The following TCF4 variants were observed in gnomAD, a reference collection of about 807,000 sequenced individuals.
TCF4 encodes the protein transcription factor 4.
TCF4 carries 3 observed loss-of-function variants against 82.1 expected under a neutral mutation model. That is an observed-to-expected ratio of 0.04 (90% confidence interval 0.02 to 0.09). The LOEUF (loss-of-function observed/expected upper bound fraction) is 0.09. TCF4 is among the 10% of genes least tolerant of loss of function. The pLI is 1.00. For synonymous variants in TCF4, 276 were observed against 309.6 expected (o/e 0.89, Z 1.14); for missense variants, 518 against 852.7 (o/e 0.61, Z 4.89).
At chr18:55,397,552 C>T (rs2093572813) in intron 6 of TCF4, among the ~76,000 whole-genome samples, 1 of 152,062 alleles carries the variant, frequency 6.6e-6, no homozygotes, top group Non-Finnish European at 1.5e-5. Flanking sequence ...AAAAAGAATA[C>T]AAATAGAGGA....
intron 3 of TCF4, among the ~76,000 whole-genome samples, chr18:55,576,964 C>A (rs969689757): frequency 3.3e-5 from 5 of 151,316 alleles, no homozygotes; most frequent in Non-Finnish European, 7.4e-5. Context: ...ATATTGGACA[C>A]CCCTGTGTTA....
intron 8 of TCF4, among the ~76,000 whole-genome samples, chr18:55,335,256 G>C (rs897162207): frequency 2.4e-4 from 36 of 152,130 alleles, no homozygotes; most frequent in Non-Finnish European, 2.2e-4. Context: ...AGGTCTGACT[G>C]TTTGCTTCCT....
Position 55,254,693 on chromosome 18 carries a change from C to A in TCF4, c.1154G>T (p.Arg385Leu). Residue 385 changes from arginine (R) to leucine (L), a missense_variant, in exon 15 of 20, where the codon CGA (arginine) becomes CTA (leucine). This residue lies in a region of TCF4 where 211 missense variants were observed against 327.4 expected (regional missense o/e 0.64). Transcript: ENST00000354452. Reference protein sequence around the residue: ...YEGPLHSLQSRIEDRLERLDD... With the variant: ...YEGPLHSLQSLIEDRLERLDD... ...CAGTCTTTCTAAACGATCTTCAATT[C>A]GGCTTTGCTGTTGGTTAACAAATGA... The A allele has an allele frequency of 6.2e-7, 1 of 1,609,724 alleles. No individual in the cohort carries two copies. Among genetic ancestry groups the A allele is most frequent in the Non-Finnish European group, 8.5e-7 (1 of 1,177,936 alleles).
intron 8 of TCF4, among the ~76,000 whole-genome samples, chr18:55,333,932 A>G (rs1207759216): frequency 3.9e-5 from 6 of 152,202 alleles, no homozygotes; most frequent in Admixed American, 6.5e-5. Flanking sequence ...AGGCTACATG[A>G]TAATTATATA....
intron 2 of TCF4, among the ~76,000 whole-genome samples, chr18:55,599,487 G>A (rs1009908984): frequency 5.3e-5 from 8 of 152,184 alleles, no homozygotes; most frequent in African/African-American, 1.7e-4. Context: ...TTGGGAGGCC[G>A]AGGCGGGCAG....
At chr18:55,324,105 G>A (rs2076164091) in intron 8 of TCF4, among the ~76,000 whole-genome samples, 1 of 152,016 alleles carries the variant, frequency 6.6e-6, no homozygotes, top group Non-Finnish European at 1.5e-5. Context: ...AGGTGAAATC[G>A]ATTTTTAAAC....
In TCF4 at chr18:55,491,366, C is replaced by T. The variant is rs544385228; in HGVS notation, c.146-27229G>A. ...TGCAAAGGATACACACACAGCAATCCGCAGGCACCTGTCACTGCAAAATTC... is the reference window on the plus strand; with the variant it reads ...TGCAAAGGATACACACACAGCAATCTGCAGGCACCTGTCACTGCAAAATTC... On this transcript the variant is annotated intron_variant, in intron 3 of 19. Transcript: ENST00000354452. Among the ~76,000 whole-genome samples, 30 of 152,186 alleles carry T rather than the reference C, an allele frequency of 2.0e-4. No individual in the cohort carries two copies. The South Asian group carries it at 5.0e-3, about 25-fold the overall frequency.
intron 5 of TCF4, among the ~76,000 whole-genome samples, chr18:55,444,770 C>T (rs2095497434): frequency 6.6e-6 from 1 of 152,166 alleles, no homozygotes; most frequent in Admixed American, 6.5e-5. Context: ...AATCTGTCCA[C>T]CCACAGACAT....
At chr18:55,635,844 G>C (rs1160759936) in exon 1 of TCF4, 1 of 1,564,974 alleles carries the variant, frequency 6.4e-7, no homozygotes, top group Non-Finnish European at 8.7e-7. Flanking sequence ...TGATGAAGAT[G>C]AAGGGAAAGA....
intron 6 of TCF4, among the ~76,000 whole-genome samples, chr18:55,367,020 A>G (rs2087362035): frequency 6.6e-6 from 1 of 152,192 alleles, no homozygotes; most frequent in Non-Finnish European, 1.5e-5. Flanking sequence ...TATACCCAAA[A>G]TAATTTATGG....
intron 6 of TCF4, among the ~76,000 whole-genome samples, chr18:55,381,705 A>G (rs2145875846): frequency 6.6e-6 from 1 of 152,292 alleles, no homozygotes; most frequent in Non-Finnish European, 1.5e-5. Flanking sequence ...TCAACAAAAG[A>G]TGTGTAGAGT....
chr18:55,349,275 A>C (rs762000327), intron 8 of TCF4, among the ~76,000 whole-genome samples: 4 of 152,116 alleles, frequency 2.6e-5, no homozygotes, highest in Non-Finnish European at 5.9e-5. Context: ...TGATATATTC[A>C]TTTAATAATT....
At chr18:55,410,766 C>T (rs1280896993) in intron 5 of TCF4, among the ~76,000 whole-genome samples, 3 of 152,128 alleles carry the variant, frequency 2.0e-5, no homozygotes, top group Non-Finnish European at 4.4e-5. Flanking sequence ...CCGTAATCCT[C>T]TCCCCAAATA....
chr18:55,619,249 C>T (rs556268843), intron 2 of TCF4, among the ~76,000 whole-genome samples: 1 of 152,232 alleles, frequency 6.6e-6, no homozygotes, highest in South Asian at 2.1e-4. Context: ...TCTATTTCTT[C>T]TTAGGAAGCA....
In TCF4 at chr18:55,223,558, T is replaced by G. The variant is rs576157069; in HGVS notation, c.*4477A>C. The G allele has an allele frequency of 3.9e-5, 6 of 152,730 alleles. No homozygotes were observed. The East Asian group carries it at 7.7e-4, about 20-fold the overall frequency. The allele number at this position is 152,730 out of a possible 1,614,324, so 9.5% of individuals were successfully genotyped here. A position where few individuals can be genotyped will look rare whatever the true frequency, so the allele number is the denominator to read the frequency against. On this transcript the variant is annotated 3_prime_UTR_variant, in exon 20 of 20. Coordinates refer to ENST00000354452, the MANE Select transcript of TCF4 (RefSeq NM_001083962.2). ...TGGCCTTGACCAAGCTGGGTTTGTT[T>G]TTGTCTTGAAGGAACTCCAGCACAC...
intron 3 of TCF4, among the ~76,000 whole-genome samples, chr18:55,495,214 T>C (rs1249426953): frequency 6.6e-6 from 1 of 151,572 alleles, no homozygotes; most frequent in Admixed American, 6.6e-5. Flanking sequence ...AAAACCTACA[T>C]TAACATGAGA....
Position 55,269,909 on chromosome 18 carries a change from T to C in TCF4, c.844A>G (p.Thr282Ala), listed in dbSNP as rs771784042. ...DINSSLPPMS[T>A]FHRSGTNHYS... ...TGGTTTGTACCACTACGATGGAAAG[T>C]GGACATCGGAGGAAGACTGGAATTG... The change falls in exon 11 of 20, where the codon ACT becomes GCT. Residue 282 changes from threonine (T) to alanine (A), a missense_variant. Physicochemically the swap from Thr to Ala is moderately conservative, Grantham distance 58. Coordinates refer to ENST00000354452, the MANE Select transcript of TCF4 (RefSeq NM_001083962.2). 1.5e-5 allele frequency: 24 copies of C among 1,613,210 alleles called. No individual in the cohort carries two copies. Among genetic ancestry groups the C allele is most frequent in the Non-Finnish European group, 1.9e-5 (22 of 1,179,512 alleles).
At chr18:55,315,389 G>A (rs370006702) in intron 8 of TCF4, among the ~76,000 whole-genome samples, 165 of 152,286 alleles carry the variant, frequency 1.1e-3, no homozygotes, top group African/African-American at 3.8e-3. Flanking sequence ...TAGGTAAACA[G>A]AAGCAACACA....
At chr18:55,321,814 C>T in intron 8 of TCF4, 1 of 1,506,178 alleles carries the variant, frequency 6.6e-7, no homozygotes, top group Non-Finnish European at 8.9e-7. Flanking sequence ...TTTTTCACAA[C>T]AATTCCTTCA....
Sources: gnomAD v4.1 joint callset for allele counts (sites outside exome capture counted in the v4.1 genomes callset) on GRCh38, gnomAD v4.1.1 for gene constraint, gnomAD v4.1.1 regional missense constraint, MANE v1.5 for transcripts, NCBI Gene and HGNC (gene_info 2026-07-23, HGNC 2026-07-21) for gene names.